The following ITGA11 variants were observed in gnomAD, a reference collection of about 807,000 sequenced individuals.
ITGA11 encodes the protein integrin alpha-11.
In ITGA11, 97 loss-of-function variants were observed where a neutral mutation model predicts 141.9. That is an observed-to-expected ratio of 0.68 (90% CI 0.58 to 0.81). The LOEUF is 0.81. Ranked by LOEUF, ITGA11 falls within the 30% of genes least tolerant of loss-of-function variation. The probability of loss-of-function intolerance (pLI) is 0.00; values close to 1 mark genes in which losing one functional copy is unlikely to be tolerated. For missense variants in ITGA11, 1,387 were observed against 1,559.2 expected (o/e 0.89, Z 1.86); for synonymous variants, 658 against 624.6 (o/e 1.05, Z -0.80).
Position 68,361,706 on chromosome 15 carries a change from T to A in ITGA11, c.358-2A>T. 1 of 1,593,588 alleles carries A rather than the reference T, an allele frequency of 6.3e-7. No homozygotes were observed. The highest frequency in any genetic ancestry group is 8.6e-7 in the Non-Finnish European group (1 of 1,167,918). On this transcript the variant is annotated splice_acceptor_variant, in intron 4 of 29. Coordinates refer to ENST00000315757, the MANE Select transcript of ITGA11 (RefSeq NM_001004439.2). LOFTEE classifies it high-confidence loss of function. ...ATGAGACCAGAGGGGGCTGCAGGCCTGGGGAGGGCAGTGCAGATCCCCAGT... is the reference window on the plus strand; with the variant it reads ...ATGAGACCAGAGGGGGCTGCAGGCCAGGGGAGGGCAGTGCAGATCCCCAGT...
At chr15:68,361,760 G>A in intron 4 of ITGA11, 56 bp from the exon 5 acceptor site, 2 of 1,260,972 alleles carry the variant, frequency 1.6e-6, no homozygotes, top group Non-Finnish European at 2.3e-6. Context: ...GAGGATCGAG[G>A]TCCAATGGCC....
At chr15:68,317,566 C>T (rs1893635710) in intron 20 of ITGA11, among the ~76,000 whole-genome samples, 1 of 152,144 alleles carries the variant, frequency 6.6e-6, no homozygotes, top group Non-Finnish European at 1.5e-5. Context: ...GTTCCTGGTA[C>T]TTGGCATGAC....
intron 2 of ITGA11, among the ~76,000 whole-genome samples, chr15:68,375,166 C>T (rs1479615022): frequency 1.3e-5 from 2 of 152,238 alleles, no homozygotes; most frequent in Admixed American, 1.3e-4. Flanking sequence ...TCTCTCACCC[C>T]ATTCCCTTCC....
At chr15:68,396,587 AAAAT>A (rs80278183) in intron 2 of ITGA11, among the ~76,000 whole-genome samples, 2,880 of 151,828 alleles carry the variant, frequency 0.019, 80 homozygotes, top group East Asian at 0.091. Flanking sequence ...TGCAATTAGA[AAAAT>A]AAATAAAGGT....
rs1041230648 is a variant in ITGA11 at position 68,307,475 on chromosome 15, C to T, written c.3286-32G>A. Reference sequence around the variant, plus strand: ...AATCAGAGGGCTCGTCAGAAGCTGGCTTGGAAGCTTTTCTTCCCGTCCCCT... The same window carrying T: ...AATCAGAGGGCTCGTCAGAAGCTGGTTTGGAAGCTTTTCTTCCCGTCCCCT... On this transcript the variant is annotated intron_variant, in intron 27 of 29. Coordinates refer to ENST00000315757, the MANE Select transcript of ITGA11 (RefSeq NM_001004439.2). This position sits in a 1 kb window ranked among gnomAD's most constrained non-coding sequence, Gnocchi z 6.1. 6.5e-6 allele frequency: 10 copies of T among 1,543,934 alleles called. No homozygotes were observed. The African/African-American group carries it at 1.2e-4, about 19-fold the overall frequency.
intron 2 of ITGA11, among the ~76,000 whole-genome samples, chr15:68,370,008 G>A (rs1302686810): frequency 6.6e-6 from 1 of 152,180 alleles, no homozygotes; most frequent in Non-Finnish European, 1.5e-5. Flanking sequence ...GACACGAGAA[G>A]ACAGAGGCAG....
At chr15:68,409,486 G>A (rs748866143) in intron 1 of ITGA11, among the ~76,000 whole-genome samples, 2 of 151,830 alleles carry the variant, frequency 1.3e-5, no homozygotes, top group African/African-American at 4.8e-5. Flanking sequence ...AGTAGGTACT[G>A]ATAGGTAGTA....
In ITGA11 at chr15:68,402,001, C is replaced by T. The variant is rs545276880; in HGVS notation, c.164+917G>A. On this transcript the variant is annotated intron_variant, in intron 2 of 29. Coordinates refer to ENST00000315757, the MANE Select transcript of ITGA11 (RefSeq NM_001004439.2). ...AAGATCTGGGGAAACAGCAATGCTG[C>T]GATTGTGCCATGTGGCTGGAGCATT... Among the ~76,000 whole-genome samples, 4 of 134,820 alleles carry T rather than the reference C, an allele frequency of 3.0e-5. No individual in the cohort carries two copies. In the East Asian group the frequency reaches 6.7e-4, roughly 22 times the overall value. 88.4% of individuals were successfully genotyped at this position (134,820 alleles called of 152,430 possible). A position where few individuals can be genotyped will look rare whatever the true frequency, so the allele number is the denominator to read the frequency against.
Position 68,301,907 on chromosome 15 carries a change from C to A in ITGA11, c.*1152G>T, listed in dbSNP as rs547679578. ...TGGTCATACCACTTGTCCTGGGGGC[C>A]GGCAGATGAGATATTTGCCACCAAG... On this transcript the variant is annotated 3_prime_UTR_variant, in exon 30 of 30. Transcript: ENST00000315757. This position sits in a 1 kb window ranked among gnomAD's most constrained non-coding sequence, Gnocchi z 4.4. 7 of 152,640 alleles carry A rather than the reference C, an allele frequency of 4.6e-5. No homozygotes were observed. The highest frequency in any genetic ancestry group is 8.8e-5 in the Non-Finnish European group (6 of 68,138). 9.5% of individuals were successfully genotyped at this position (152,640 alleles called of 1,614,324 possible).
At chr15:68,353,841 C>T (rs1894987886) in intron 7 of ITGA11, among the ~76,000 whole-genome samples, 1 of 152,112 alleles carries the variant, frequency 6.6e-6, no homozygotes, top group Admixed American at 6.5e-5. Flanking sequence ...CAGATTCTGA[C>T]AACAGCTCAC....
At chr15:68,410,296 C>A (rs1242032598) in intron 1 of ITGA11, among the ~76,000 whole-genome samples, 1 of 152,196 alleles carries the variant, frequency 6.6e-6, no homozygotes, top group Non-Finnish European at 1.5e-5. Context: ...GCAGATGCAC[C>A]TGTGTAAGCA....
chr15:68,310,071 T>A (rs997552774), intron 26 of ITGA11, among the ~76,000 whole-genome samples: 2 of 152,214 alleles, frequency 1.3e-5, no homozygotes, highest in African/African-American at 4.8e-5. Context: ...GCAATGATCA[T>A]ATTTAACAAT....
intron 1 of ITGA11, among the ~76,000 whole-genome samples, chr15:68,408,600 G>T (rs1462532575): frequency 6.6e-6 from 1 of 152,124 alleles, no homozygotes; most frequent in African/African-American, 2.4e-5. Context: ...GGTTGTTAGA[G>T]AGAAGGACCC....
At chr15:68,330,278 A>C (rs1894111716) in intron 15 of ITGA11, among the ~76,000 whole-genome samples, 1 of 152,154 alleles carries the variant, frequency 6.6e-6, no homozygotes, top group South Asian at 2.1e-4. Flanking sequence ...TGCCTTTTTA[A>C]AGTTGTAGGC....
In ITGA11 at chr15:68,357,299, C is replaced by T; in HGVS notation, c.601G>A (p.Val201Ile). 6.2e-7 allele frequency: 1 copy of T among 1,611,252 alleles called. No homozygotes were observed. The highest frequency in any genetic ancestry group is 1.3e-5 in the African/African-American group (1 of 74,826). ...TCTTCGCCATACTGCACAACTCCAA[C>T]CTGCAAGGGAGAGGAGAGGGCAACA... is the stretch of plus-strand genomic sequence containing the variant. The part of the protein sequence containing the change: ...KFYIGPGQIQ[V>I]GVVQYGEDVV... The change falls in exon 7 of 30, where the codon GTT (valine) becomes ATT (isoleucine). Residue 201 changes from valine (V) to isoleucine (I), a missense_variant and splice_region_variant. Transcript: ENST00000315757.
intron 1 of ITGA11, among the ~76,000 whole-genome samples, chr15:68,408,616 G>A (rs1566941480): frequency 1.3e-5 from 2 of 152,254 alleles, no homozygotes; most frequent in South Asian, 2.1e-4. Context: ...GACCCTGTGG[G>A]CTGGGTGCTC....
chr15:68,412,255 C>T (rs1171252713), intron 1 of ITGA11, among the ~76,000 whole-genome samples: 2 of 152,106 alleles, frequency 1.3e-5, no homozygotes, highest in Non-Finnish European at 2.9e-5. Context: ...TCTGGGGACT[C>T]GTGGTTGCTG....
At chr15:68,411,933 G>A (rs763868371) in intron 1 of ITGA11, among the ~76,000 whole-genome samples, 1 of 151,978 alleles carries the variant, frequency 6.6e-6, no homozygotes. Context: ...TGCCCCAGCT[G>A]AGTTGCCCCA....
Position 68,326,846 on chromosome 15 carries a change from C to T in ITGA11, c.2069-50G>A. On this transcript the variant is annotated intron_variant, in intron 16 of 29. Transcript: ENST00000315757. The surrounding 1 kb of genome is among the most constrained non-coding windows in gnomAD (Gnocchi z 6.8). ...CACAAAGGTGGAGCCACATGCCCAT[C>T]CAAGACTGTCTGCCTCCTCCAGGAA... 2.0e-6 allele frequency: 3 copies of T among 1,528,566 alleles called. No individual in the cohort carries two copies. Among genetic ancestry groups the T allele is most frequent in the Non-Finnish European group, 2.6e-6 (3 of 1,133,048 alleles). 94.7% of individuals were successfully genotyped at this position (1,528,566 alleles called of 1,614,324 possible).
Sources: gnomAD v4.1 joint callset for allele counts (sites outside exome capture counted in the v4.1 genomes callset) on GRCh38, gnomAD v4.1.1 for gene constraint, Gnocchi (gnomAD v3.1) non-coding constraint, MANE v1.5 for transcripts, NCBI Gene and HGNC (gene_info 2026-07-23, HGNC 2026-07-21) for gene names.